The following CACNA2D1 variants were observed in gnomAD, a reference collection of about 807,000 sequenced individuals.
The protein encoded by CACNA2D1 is voltage-dependent calcium channel subunit alpha-2/delta-1.
Under a neutral mutation model 171.5 loss-of-function variants are expected in CACNA2D1, and 53 were observed. The ratio of observed to expected loss-of-function variants is 0.31; its 90% CI spans 0.25 to 0.39. CACNA2D1 has a LOEUF of 0.39. Ranked by LOEUF, CACNA2D1 falls within the 10% of genes least tolerant of loss-of-function variation. The probability of loss-of-function intolerance (pLI) is 1.00; values close to 1 mark genes in which losing one functional copy is unlikely to be tolerated. For missense variants in CACNA2D1, 903 were observed against 1,299.8 expected, an observed-to-expected ratio of 0.69 and a Z score of 4.69; for synonymous variants, 442 against 443.1, an observed-to-expected ratio of 1.00 and a Z score of 0.03.
chr7:82,164,938 G>T (rs1298507956), intron 4 of CACNA2D1, among the ~76,000 whole-genome samples: 1 of 151,874 alleles, frequency 6.6e-6, no homozygotes, highest in Non-Finnish European at 1.5e-5. Context: ...TAATGAAATT[G>T]GAGTTCAAAA....
chr7:82,031,919 AT>A (rs1802748200), intron 12 of CACNA2D1, among the ~76,000 whole-genome samples: 1 of 152,004 alleles, frequency 6.6e-6, no homozygotes, highest in Non-Finnish European at 1.5e-5. Flanking sequence ...TTATATATAA[AT>A]GTATGATTTT....
At chr7:81,983,215 T>G in intron 23 of CACNA2D1, 99 bp downstream of exon 23, 19 of 1,021,952 alleles carry the variant, frequency 1.9e-5, no homozygotes, top group Non-Finnish European at 2.5e-5. Flanking sequence ...ATTTAGCAAA[T>G]GAGAAGCACA....
chr7:82,369,351 T>C (rs1348169227), intron 1 of CACNA2D1, among the ~76,000 whole-genome samples: 1 of 151,614 alleles, frequency 6.6e-6, no homozygotes, highest in Non-Finnish European at 1.5e-5. Context: ...CTGCCACTGC[T>C]TGTAGGGACT....
chr7:81,984,552 G>C, intron 22 of CACNA2D1, 83 bp downstream of exon 22: 2 of 778,082 alleles, frequency 2.6e-6, no homozygotes, highest in Non-Finnish European at 4.5e-6. Context: ...ATAAGCCTTG[G>C]GTATTCCAAA....
At chr7:81,956,959 A>G (rs947366862) in intron 38 of CACNA2D1, among the ~76,000 whole-genome samples, 4 of 152,186 alleles carry the variant, frequency 2.6e-5, no homozygotes, top group Non-Finnish European at 5.9e-5. Flanking sequence ...TAGATAATGT[A>G]TATTAAATAA....
chr7:82,177,736 G>A (rs539250300), intron 3 of CACNA2D1, among the ~76,000 whole-genome samples: 37 of 152,060 alleles, frequency 2.4e-4, no homozygotes, highest in African/African-American at 8.7e-4. Flanking sequence ...TTTCTTCACA[G>A]GCACTCATGA....
At chr7:82,387,035 T>C (rs529580398) in intron 1 of CACNA2D1, among the ~76,000 whole-genome samples, 31 of 151,964 alleles carry the variant, frequency 2.0e-4, no homozygotes, top group African/African-American at 7.3e-4. Context: ...ATCTATAACA[T>C]GGTTAAAGAG....
chr7:82,198,932 A>G (rs1442334381), intron 3 of CACNA2D1, among the ~76,000 whole-genome samples: 1 of 152,054 alleles, frequency 6.6e-6, no homozygotes, highest in African/African-American at 2.4e-5. Context: ...TTAATGCTCC[A>G]TATTGGGGTT....
chr7:82,374,753 T>G (rs894536060), intron 1 of CACNA2D1, among the ~76,000 whole-genome samples: 5 of 127,188 alleles, frequency 3.9e-5, no homozygotes, highest in Non-Finnish European at 8.8e-5. Context: ...TTTGAAAATT[T>G]AAAAAAAGAA....
intron 24 of CACNA2D1, among the ~76,000 whole-genome samples, chr7:81,977,615 A>G (rs1795983209): frequency 6.6e-6 from 1 of 152,142 alleles, no homozygotes; most frequent in Admixed American, 6.6e-5. Flanking sequence ...ACTTAAATGT[A>G]ATACCTAAAA....
At chr7:82,413,798 G>T (rs1827910813) in intron 1 of CACNA2D1, among the ~76,000 whole-genome samples, 1 of 151,630 alleles carries the variant, frequency 6.6e-6, no homozygotes, top group Non-Finnish European at 1.5e-5. Context: ...GAACTATGAT[G>T]GGAAATGCTT....
chr7:82,289,601 A>G (rs1585353824), intron 3 of CACNA2D1, among the ~76,000 whole-genome samples: 1 of 152,358 alleles, frequency 6.6e-6, no homozygotes, highest in South Asian at 2.1e-4. Flanking sequence ...ACTCTCACTG[A>G]CTTAAGGCAT....
chr7:82,277,584 C>T (rs1809517174), intron 3 of CACNA2D1, among the ~76,000 whole-genome samples: 1 of 151,832 alleles, frequency 6.6e-6, no homozygotes, highest in Non-Finnish European at 1.5e-5. Flanking sequence ...AATGTGATTG[C>T]CTTAGTAGGG....
chr7:82,255,065 C>G (rs1042854279), intron 3 of CACNA2D1, among the ~76,000 whole-genome samples: 5 of 152,164 alleles, frequency 3.3e-5, no homozygotes, highest in African/African-American at 1.2e-4. Context: ...CCTAGCTATT[C>G]GGCTTCATCT....
intron 7 of CACNA2D1, among the ~76,000 whole-genome samples, chr7:82,082,295 G>A (rs549104162): frequency 1.3e-4 from 20 of 152,156 alleles, no homozygotes; most frequent in South Asian, 1.2e-3. Flanking sequence ...ATGAGGTTAC[G>A]CAGACAACTG....
At chr7:82,315,091 TGTGCCACTGCACTCCAGCCTGG>T (rs1814949739) in intron 3 of CACNA2D1, among the ~76,000 whole-genome samples, 1 of 151,448 alleles carries the variant, frequency 6.6e-6, no homozygotes, top group Non-Finnish European at 1.5e-5. Flanking sequence ...GAGCCGAGAT[TGTGCCACTGCACTCCAGCCTGG>T]GTGACAGAGT....
In CACNA2D1 at chr7:82,009,892, T is replaced by C. The variant is rs1799562996; in HGVS notation, c.1363-2136A>G. Among the ~76,000 whole-genome samples, 3 of 152,096 alleles carry C rather than the reference T, an allele frequency of 2.0e-5. No homozygotes were observed. In the South Asian group the frequency reaches 6.2e-4, roughly 32 times the overall value. ...TAGAGCCCAACTCTTGTCATATCTC[T>C]TTTTATAAAGAGCTTCACTTTGTCT... On this transcript the variant is annotated intron_variant, in intron 15 of 38. Transcript: ENST00000356860.
At chr7:82,413,481 T>C (rs1392737347) in intron 1 of CACNA2D1, among the ~76,000 whole-genome samples, 1 of 152,162 alleles carries the variant, frequency 6.6e-6, no homozygotes, top group Admixed American at 6.5e-5. Context: ...TGGCTGACAT[T>C]GGGTTTGGCT....
chr7:82,057,659 TG>T (rs1806103434), intron 10 of CACNA2D1, among the ~76,000 whole-genome samples: 1 of 151,958 alleles, frequency 6.6e-6, no homozygotes, highest in Non-Finnish European at 1.5e-5. Context: ...AGAGGGAACT[TG>T]GGATTCGTTC....
Sources: allele counts gnomAD v4.1 joint callset (sites outside exome capture counted in the v4.1 genomes callset), GRCh38; gene constraint gnomAD v4.1.1; transcripts MANE v1.5; gene names NCBI Gene and HGNC (gene_info 2026-07-23, HGNC 2026-07-21).